The following MALT1 variants were observed in gnomAD, a reference collection of about 807,000 sequenced individuals.
MALT1 encodes the protein mucosa-associated lymphoid tissue lymphoma translocation protein 1.
In MALT1, 36 loss-of-function variants were observed where a neutral mutation model predicts 85.5. The observed-to-expected ratio is 0.42, with a 90% CI of 0.32 to 0.56. The LOEUF is 0.56. Ranked by LOEUF, MALT1 falls within the 20% of genes least tolerant of loss-of-function variation. The pLI is 0.10. For missense variants in MALT1, 716 were observed against 981.6 expected (o/e 0.73, Z 3.62); for synonymous variants, 359 against 361.3 (o/e 0.99, Z 0.07).
intron 10 of MALT1, among the ~76,000 whole-genome samples, chr18:58,733,075 C>G (rs2055174767): frequency 6.6e-6 from 1 of 151,924 alleles, no homozygotes; most frequent in Non-Finnish European, 1.5e-5. Context: ...CACGCCCAGC[C>G]AATTTTTGTA....
intron 1 of MALT1, among the ~76,000 whole-genome samples, chr18:58,678,018 A>C (rs1405584540): frequency 6.6e-6 from 1 of 152,226 alleles, no homozygotes; most frequent in Non-Finnish European, 1.5e-5. Context: ...CTTATTGCAT[A>C]ATAAGAGCTA....
At chr18:58,695,157 C>T (rs2054569287) in intron 2 of MALT1, among the ~76,000 whole-genome samples, 1 of 152,206 alleles carries the variant, frequency 6.6e-6, no homozygotes, top group South Asian at 2.1e-4. Flanking sequence ...ATTGTGAGTC[C>T]TCCCTAGCCA....
chr18:58,743,141 A>C (rs149710852), intron 14 of MALT1, among the ~76,000 whole-genome samples: 200 of 152,286 alleles, frequency 1.3e-3, no homozygotes, highest in African/African-American at 4.6e-3. Flanking sequence ...TTGGGAGGCC[A>C]AGGTGGGTAG....
rs1233327008 is a variant in MALT1, at chr18:58,752,584, G to T, written c.*4742G>T. ...ATTTGAACCCAGGAGTTTGAGACTA[G>T]CCTTGGCAACATGGTGAAACCCCAT... On this transcript the variant is annotated 3_prime_UTR_variant, in exon 17 of 17. Transcript: ENST00000649217. 7.2e-6 allele frequency: 1 copy of T among 139,286 alleles called. No individual in the cohort carries two copies. The highest frequency in any genetic ancestry group is 2.1e-4 in the East Asian group (1 of 4,730). The allele number at this position is 139,286 out of a possible 1,614,324, so 8.6% of individuals were successfully genotyped here.
chr18:58,681,124 C>A, intron 1 of MALT1, 46 bp from the exon 2 acceptor site: 1 of 1,580,068 alleles, frequency 6.3e-7, no homozygotes, highest in Non-Finnish European at 8.7e-7. Flanking sequence ...GCAGGTGTAT[C>A]ATGTGGAAGA....
chr18:58,679,552 T>C (rs1026610874), intron 1 of MALT1, among the ~76,000 whole-genome samples: 1 of 152,220 alleles, frequency 6.6e-6, no homozygotes, highest in African/African-American at 2.4e-5. Flanking sequence ...AGTACTTTGG[T>C]TTTTTTCTTT....
chr18:58,712,054 G>A (rs2054838625), intron 7 of MALT1, among the ~76,000 whole-genome samples: 1 of 152,154 alleles, frequency 6.6e-6, no homozygotes, highest in South Asian at 2.1e-4. Context: ...GGTGATGCAT[G>A]TGAATTATCA....
At chr18:58,732,935 G>C (rs2055172784) in intron 10 of MALT1, among the ~76,000 whole-genome samples, 1 of 151,124 alleles carries the variant, frequency 6.6e-6, no homozygotes, top group South Asian at 2.1e-4. Context: ...TTTTGAGACA[G>C]AGTTTTGCTC....
At chr18:58,729,484 C>T (rs1158535151) in intron 10 of MALT1, among the ~76,000 whole-genome samples, 4 of 107,476 alleles carry the variant, frequency 3.7e-5, no homozygotes, top group East Asian at 2.6e-4. Context: ...AGTGAAACTC[C>T]GTCTCAAAAA....
At chr18:58,735,133 C>T in intron 12 of MALT1, 69 bp from the exon 13 acceptor site, 3 of 1,342,382 alleles carry the variant, frequency 2.2e-6, no homozygotes, top group Non-Finnish European at 3.0e-6. Flanking sequence ...TATTAGCATC[C>T]ACATATAAGT....
chr18:58,742,040 G>T (rs753218779), intron 14 of MALT1, 26 bp downstream of exon 14: 2 of 1,464,562 alleles, frequency 1.4e-6, no homozygotes, highest in Non-Finnish European at 1.8e-6. Context: ...TTTTTTGTTA[G>T]ATCTACAATA....
chr18:58,747,527 T>A lies in MALT1; in HGVS notation c.2160T>A (p.Gly720=), dbSNP rs2055386317. The change falls in exon 17 of 17, where the codon GGT becomes GGA. Residue 720 remains glycine (G), a synonymous_variant. Transcript: ENST00000649217. ...PLIAKLDMHR[G]LGRKTCFQTC... is the part of the protein sequence containing the mutation. Reference sequence around the variant, plus strand: ...TTGCTAAATTAGACATGCATCGAGGTTTGGGAAGGAAGACTTGCTTTCAAA... The same window carrying A: ...TTGCTAAATTAGACATGCATCGAGGATTGGGAAGGAAGACTTGCTTTCAAA... The A allele has an allele frequency of 6.2e-7, 1 of 1,613,876 alleles. No individual in the cohort carries two copies. Among genetic ancestry groups the A allele is most frequent in the Non-Finnish European group, 8.5e-7 (1 of 1,179,990 alleles).
At position 58,726,986 on chromosome 18, in the gene MALT1, G is replaced by C. The variant is rs866622795; in HGVS notation, c.1222+3735G>C. Among the ~76,000 whole-genome samples the C allele has an allele frequency of 5.9e-5, 9 of 152,300 alleles. No homozygotes were observed. In the South Asian group the frequency reaches 8.3e-4, roughly 14 times the overall value. On this transcript the variant is annotated intron_variant, in intron 10 of 16. Coordinates refer to ENST00000649217, the MANE Select transcript of MALT1 (RefSeq NM_006785.4). ...CTGCTGACTTAGCTGTGTGACTGTGGTTCTTTAACTTTTCTAAGCCAAAAG... is the reference window on the plus strand; with the variant it reads ...CTGCTGACTTAGCTGTGTGACTGTGCTTCTTTAACTTTTCTAAGCCAAAAG...
chr18:58,722,262 G>A (rs1015117008), intron 9 of MALT1, among the ~76,000 whole-genome samples: 1 of 152,082 alleles, frequency 6.6e-6, no homozygotes, highest in Non-Finnish European at 1.5e-5. Flanking sequence ...TAGATGGGCT[G>A]CACACCTGGT....
At chr18:58,689,481 G>A (rs748927469) in intron 2 of MALT1, among the ~76,000 whole-genome samples, 6 of 152,310 alleles carry the variant, frequency 3.9e-5, no homozygotes, top group South Asian at 2.1e-4. Context: ...CAACAAACAC[G>A]TGTTGAACAC....
Position 58,745,598 on chromosome 18 carries a change from A to G in MALT1, c.1912-68A>G, listed in dbSNP as rs973537042. ...AGGATAGTATCAGTTAAGATGTCTT[A>G]TGTACTAGATTATATTGTGGCTTTC... On this transcript the variant is annotated intron_variant, in intron 15 of 16. Transcript: ENST00000649217. The G allele has an allele frequency of 1.0e-5, 14 of 1,392,052 alleles. No homozygotes were observed. In the Middle Eastern group the frequency reaches 5.5e-4, roughly 55 times the overall value. 86.2% of individuals were successfully genotyped at this position (1,392,052 alleles called of 1,614,324 possible). A position where few individuals can be genotyped will look rare whatever the true frequency, so the allele number is the denominator to read the frequency against.
At chr18:58,732,938 T>C (rs1220522939) in intron 10 of MALT1, among the ~76,000 whole-genome samples, 1 of 151,828 alleles carries the variant, frequency 6.6e-6, no homozygotes, top group African/African-American at 2.4e-5. Context: ...TGAGACAGAG[T>C]TTTGCTCTGT....
At chr18:58,714,258 T>C in intron 8 of MALT1, 149 bp downstream of exon 8, 3 of 457,630 alleles carry the variant, frequency 6.6e-6, no homozygotes, top group Non-Finnish European at 1.2e-5. Flanking sequence ...ATTAACTACA[T>C]GAAGTACAAT....
chr18:58,678,277 A>G (rs905042239), intron 1 of MALT1, among the ~76,000 whole-genome samples: 3 of 152,250 alleles, frequency 2.0e-5, no homozygotes, highest in African/African-American at 7.2e-5. Flanking sequence ...ATTTCAAGCA[A>G]TAAAATAGTT....
Sources: gnomAD v4.1 joint callset for allele counts (sites outside exome capture counted in the v4.1 genomes callset) on GRCh38, gnomAD v4.1.1 for gene constraint, MANE v1.5 for transcripts, NCBI Gene and HGNC (gene_info 2026-07-23, HGNC 2026-07-21) for gene names.